Variants in RIPOR2 observed in about 807,000 individuals in gnomAD.
RIPOR2 encodes RHO family interacting cell polarization regulator 2, also known as rho family-interacting cell polarization regulator 2.
A neutral mutation model predicts 114.5 loss-of-function variants in RIPOR2; 39 were observed. That is an observed-to-expected ratio of 0.34 (90% CI 0.26 to 0.44). The LOEUF is 0.44. RIPOR2 is among the 20% of genes least tolerant of loss of function. The pLI is 1.00. For synonymous variants in RIPOR2, 445 were observed against 484.4 expected (o/e 0.92, Z 1.07); for missense variants, 1,007 against 1,255.1 (o/e 0.80, Z 2.99).
chr6:24,869,805 G>GT (rs1209173926), intron 5 of RIPOR2, among the ~76,000 whole-genome samples: 3 of 151,690 alleles, frequency 2.0e-5, no homozygotes, highest in Non-Finnish European at 4.4e-5. Flanking sequence ...TCTAAGATTG[G>GT]TTTTTTTTCC....
At chr6:24,970,155 G>T (rs945403129) in intron 1 of RIPOR2, among the ~76,000 whole-genome samples, 1 of 31,564 alleles carries the variant, frequency 3.2e-5, no homozygotes, top group African/African-American at 5.2e-5. Flanking sequence ...GGGAAAGAAA[G>T]GGGACGAAAA....
intron 1 of RIPOR2, among the ~76,000 whole-genome samples, chr6:24,890,871 T>C (rs1168083925): frequency 1.3e-5 from 2 of 151,782 alleles, no homozygotes; most frequent in African/African-American, 4.8e-5. Flanking sequence ...GCCAGGCTGG[T>C]CTCAAACTCC....
At chr6:24,862,811 C>G (rs370595660) in intron 7 of RIPOR2, among the ~76,000 whole-genome samples, 1 of 151,298 alleles carries the variant, frequency 6.6e-6, no homozygotes, top group African/African-American at 2.4e-5. Flanking sequence ...GGCACCCCCC[C>G]ACCACCCACA....
chr6:25,018,036 C>T (rs931919908), intron 1 of RIPOR2, among the ~76,000 whole-genome samples: 3 of 152,272 alleles, frequency 2.0e-5, no homozygotes, highest in Admixed American at 2.0e-4. Flanking sequence ...CGTAATATCA[C>T]CTAGGAAAGC....
intron 1 of RIPOR2, among the ~76,000 whole-genome samples, chr6:24,884,527 T>A (rs916221061): frequency 2.0e-5 from 3 of 152,206 alleles, no homozygotes. Flanking sequence ...ATACACTGCT[T>A]GACTAAGACA....
intron 1 of RIPOR2, among the ~76,000 whole-genome samples, chr6:24,955,960 G>A (rs1394675346): frequency 1.4e-5 from 2 of 146,202 alleles, no homozygotes; most frequent in East Asian, 4.0e-4. Context: ...AGTGAGCCAA[G>A]ATTGCAGCAA....
chr6:24,878,887 C>CTCTGTTGGGCAGAGGCATGG (rs1162066095), intron 1 of RIPOR2, among the ~76,000 whole-genome samples: 2 of 142,774 alleles, frequency 1.4e-5, no homozygotes, highest in South Asian at 2.2e-4. Flanking sequence ...GAATTAAACG[C>CTCTGTTGGGCAGAGGCATGG]TGGAGAGTAA....
intron 5 of RIPOR2, 149 bp downstream of exon 5, chr6:24,870,716 AT>A (rs1581663221): frequency 1.8e-6 from 1 of 564,992 alleles, no homozygotes; most frequent in African/African-American, 1.9e-5. Flanking sequence ...ATTTTGCCAC[AT>A]TGCCCAGGCA....
chr6:25,025,603 T>A (rs1361028940), intron 1 of RIPOR2, among the ~76,000 whole-genome samples: 1 of 152,136 alleles, frequency 6.6e-6, no homozygotes, highest in African/African-American at 2.4e-5. Context: ...GAGAAAAAAA[T>A]TTAATTGTTT....
intron 1 of RIPOR2, among the ~76,000 whole-genome samples, chr6:25,009,955 T>A (rs575258020): frequency 3.3e-5 from 5 of 152,160 alleles, no homozygotes; most frequent in African/African-American, 9.6e-5. Flanking sequence ...GGAGAACGGA[T>A]GCCCAGAAGA....
chr6:24,901,663 C>T (rs371046270), intron 1 of RIPOR2, among the ~76,000 whole-genome samples: 1 of 152,206 alleles, frequency 6.6e-6, no homozygotes, highest in East Asian at 1.9e-4. Context: ...TAAGAGAAAA[C>T]GGTCATACCT....
intron 1 of RIPOR2, among the ~76,000 whole-genome samples, chr6:24,995,439 C>G (rs748558979): frequency 6.6e-6 from 1 of 152,192 alleles, no homozygotes; most frequent in South Asian, 2.1e-4. Context: ...CAAGTGGCCA[C>G]GGGGAGGGAG....
intron 1 of RIPOR2, among the ~76,000 whole-genome samples, chr6:24,983,572 C>A (rs982292128): frequency 2.6e-5 from 4 of 151,876 alleles, no homozygotes; most frequent in African/African-American, 7.3e-5. Context: ...GCCTGACCAA[C>A]AAGGTGAAAC....
chr6:24,840,585 C>A, intron 13 of RIPOR2: 2 of 1,490,164 alleles, frequency 1.3e-6, no homozygotes, highest in East Asian at 2.5e-5. Flanking sequence ...TTAGGTGACA[C>A]TCCTTGCTGA....
intron 1 of RIPOR2, chr6:25,023,973 G>T: frequency 1.4e-6 from 1 of 734,102 alleles, no homozygotes. Flanking sequence ...TCTTGGGAGT[G>T]ACCGGGATAG....
intron 1 of RIPOR2, among the ~76,000 whole-genome samples, chr6:24,912,252 T>C (rs2114073104): frequency 6.6e-6 from 1 of 152,306 alleles, no homozygotes; most frequent in African/African-American, 2.4e-5. Flanking sequence ...AGGCACTCCA[T>C]AGCTACATAT....
intron 1 of RIPOR2, among the ~76,000 whole-genome samples, chr6:24,942,117 G>A (rs1772164999): frequency 6.6e-6 from 1 of 152,116 alleles, no homozygotes; most frequent in African/African-American, 2.4e-5. Context: ...ATGAAAGATT[G>A]CTTGATAGCA....
chr6:24,869,125 T>C lies in RIPOR2; in HGVS notation c.470A>G (p.Tyr157Cys). ...TATATGAAACTCCAGGCGTCTCATG[T>C]ATCTTTCAATTGTTTTAATTTGCTG... ...LDKQIKTIERYMRRLEFHISK... is the reference protein window; with the variant it reads ...LDKQIKTIERCMRRLEFHISK... Residue 157 changes from tyrosine (Y) to cysteine (C), a missense_variant, in exon 6 of 22, where the codon TAC becomes TGC. By Grantham distance (194) the Tyr-to-Cys change is radical. Transcript: ENST00000643898. 1.9e-6 allele frequency: 3 copies of C among 1,584,188 alleles called. No homozygotes were observed. The highest frequency in any genetic ancestry group is 1.7e-4 in the Middle Eastern group (1 of 6,008).
intron 1 of RIPOR2, among the ~76,000 whole-genome samples, chr6:24,898,950 GTTTT>G (rs10584291): frequency 3.1e-5 from 4 of 127,358 alleles, no homozygotes; most frequent in Admixed American, 7.8e-5. Flanking sequence ...TCAGGGAGTA[GTTTT>G]TTTTTTTTTT....
Sources: allele counts gnomAD v4.1 joint callset (sites outside exome capture counted in the v4.1 genomes callset), GRCh38; gene constraint gnomAD v4.1.1; transcripts MANE v1.5; gene names NCBI Gene and HGNC (gene_info 2026-07-23, HGNC 2026-07-21).